HUWE1: variants seen among roughly 807,000 people sequenced by gnomAD.
The protein encoded by HUWE1 is E3 ubiquitin-protein ligase HUWE1.
HUWE1 carries 18 observed loss-of-function variants against 299.4 expected under a neutral mutation model. The observed-to-expected ratio is 0.06, with a 90% CI of 0.04 to 0.09. The LOEUF (loss-of-function observed/expected upper bound fraction) is 0.09. HUWE1 is among the 10% of genes least tolerant of loss of function. The pLI is 1.00. For synonymous variants in HUWE1, 1,317 were observed against 1,286.1 expected (o/e 1.02, Z -0.51); for missense variants, 1,832 against 3,462.3 (o/e 0.53, Z 11.82).
chrX:53,544,848 G>A, intron 71 of HUWE1, 86 bp from the exon 72 acceptor site: 1 of 940,782 alleles, frequency 1.1e-6, no homozygotes, highest in Non-Finnish European at 1.5e-6. Context: ...GTGTCAACCA[G>A]AGGGGTAAGG....
At chrX:53,558,879 G>A in intron 58 of HUWE1, 70 bp from the exon 59 acceptor site, 1 of 1,183,425 alleles carries the variant, frequency 8.5e-7, no homozygotes, top group East Asian at 3.0e-5. Context: ...GGCAGAGCTT[G>A]TAGCCACAGA....
intron 75 of HUWE1, among the ~76,000 whole-genome samples, chrX:53,539,364 G>C (rs1556916337): frequency 9.5e-6 from 1 of 104,915 alleles, no homozygotes; most frequent in Non-Finnish European, 2.0e-5. Flanking sequence ...AGAACTTGCA[G>C]GGAAATATGG....
intron 42 of HUWE1, among the ~76,000 whole-genome samples, chrX:53,581,363 C>T (rs1323459176): frequency 2.7e-5 from 3 of 112,372 alleles, no homozygotes; most frequent in Non-Finnish European, 5.6e-5. Flanking sequence ...GGTTCAAAAA[C>T]ATGTAACACT....
At chrX:53,607,477 T>C (rs1485816069) in intron 25 of HUWE1, 46 bp downstream of exon 25, 11 of 1,158,461 alleles carry the variant, frequency 9.5e-6, no homozygotes, top group Middle Eastern at 2.4e-4. Flanking sequence ...TATCGCAAAA[T>C]TGATTTCCAG....
intron 42 of HUWE1, among the ~76,000 whole-genome samples, chrX:53,583,305 TAA>T (rs1229735699): frequency 9.9e-5 from 9 of 90,958 alleles, no homozygotes; most frequent in Admixed American, 1.2e-4. Flanking sequence ...AAACCTAGAT[TAA>T]AAAAAAAAAA....
intron 60 of HUWE1, among the ~76,000 whole-genome samples, chrX:53,556,645 G>C (rs2062033470): frequency 9.0e-6 from 1 of 111,493 alleles, no homozygotes; most frequent in Admixed American, 9.5e-5. Flanking sequence ...ACATACGGCA[G>C]TCATACCACT....
chrX:53,645,756 T>G (rs1409568756), intron 6 of HUWE1, among the ~76,000 whole-genome samples: 1 of 86,766 alleles, frequency 1.2e-5, no homozygotes, highest in African/African-American at 4.6e-5. Context: ...TATATATATA[T>G]ATATATATAT....
chrX:53,552,239 G>A (rs1252888130), intron 63 of HUWE1, 72 bp downstream of exon 63: 2 of 1,133,524 alleles, frequency 1.8e-6, no homozygotes, highest in Non-Finnish European at 2.4e-6. Flanking sequence ...TTTGGCTGGT[G>A]GGCATTTCCA....
chrX:53,678,508 A>C (rs1417456736), intron 3 of HUWE1, among the ~76,000 whole-genome samples: 1 of 112,157 alleles, frequency 8.9e-6, no homozygotes, highest in African/African-American at 3.2e-5. Flanking sequence ...AAAGCAGCCT[A>C]AAAGTCCTTA....
intron 19 of HUWE1, among the ~76,000 whole-genome samples, chrX:53,621,209 G>A (rs1013976598): frequency 1.8e-5 from 2 of 110,306 alleles, no homozygotes; most frequent in South Asian, 7.8e-4. Flanking sequence ...AAAAGTCTAC[G>A]CACCACAGGC....
intron 56 of HUWE1, among the ~76,000 whole-genome samples, chrX:53,559,841 T>C (rs902457741): frequency 8.9e-6 from 1 of 112,260 alleles, no homozygotes; most frequent in Non-Finnish European, 1.9e-5. Flanking sequence ...ACAACACTTA[T>C]ATGCCTTTCT....
chrX:53,541,281 A>G (rs1323421598), intron 74 of HUWE1, among the ~76,000 whole-genome samples: 1 of 112,311 alleles, frequency 8.9e-6, no homozygotes, highest in Non-Finnish European at 1.9e-5. Context: ...TGGGGGAGCC[A>G]AGATTTAAAA....
Position 53,539,701 on chromosome X carries a change from C to G in HUWE1, c.11588G>C (p.Cys3863Ser). 3 of 1,211,594 alleles carry G rather than the reference C, an allele frequency of 2.5e-6. No individual in the cohort carries two copies. The highest frequency in any genetic ancestry group is 3.4e-6 in the Non-Finnish European group (3 of 895,314). ...LDELWDMLGECLKELEESHDQ... is the reference protein window; with the variant it reads ...LDELWDMLGESLKELEESHDQ... ...ATGGGATTCCTCTAGTTCCTTTAGA[C>G]ACTCCCCAAGCATGTCCCACAGCTC... The change falls in exon 75 of 84, where the codon TGT becomes TCT. Residue 3863 changes from cysteine to serine, a missense_variant. Around this residue, in one of 15 missense-constraint regions of HUWE1, gnomAD observed 129 missense variants for 439.4 expected, o/e 0.29. Transcript: ENST00000262854.
intron 11 of HUWE1, 106 bp downstream of exon 11, chrX:53,631,308 C>T (rs1054402440): frequency 4.4e-5 from 29 of 661,567 alleles, no homozygotes; most frequent in Non-Finnish European, 6.4e-5. Context: ...TGGTCTGACT[C>T]CAAAGCTGAC....
rs151026573 is a variant in HUWE1 at position 53,589,803 on chromosome X, C to T, written c.4205G>A (p.Arg1402Gln). The change falls in exon 36 of 84, where the codon CGG becomes CAG. Residue 1402 changes from arginine (R) to glutamine (Q), a missense_variant. Around this residue, in one of 15 missense-constraint regions of HUWE1, gnomAD observed 658 missense variants for 1,282.6 expected, o/e 0.51. Transcript: ENST00000262854. ...RAESPEEVACRKEEEERKARE... is the reference protein window; with the variant it reads ...RAESPEEVACQKEEEERKARE... ...AGCTTTCCGTTCCTCTTCCTCCTTC[C>T]GGCAAGCAACTTCCTGGAAGCAGGG... 1 of 1,207,864 alleles carries T rather than the reference C, an allele frequency of 8.3e-7. No homozygotes were observed. Among genetic ancestry groups the T allele is most frequent in the Non-Finnish European group, 1.1e-6 (1 of 893,293 alleles).
chrX:53,591,225 A>T (rs2064141179), intron 33 of HUWE1, 103 bp from the exon 34 acceptor site: 1 of 950,642 alleles, frequency 1.1e-6, no homozygotes, highest in African/African-American at 1.9e-5. Context: ...TTCTAACTTC[A>T]TCTGGGCTGA....
chrX:53,596,208 TCAA>T (rs1556984809), intron 29 of HUWE1, among the ~76,000 whole-genome samples: 1 of 111,972 alleles, frequency 8.9e-6, no homozygotes, highest in Admixed American at 9.4e-5. Flanking sequence ...TGACGCTTGA[TCAA>T]CACAGGTTTT....
intron 21 of HUWE1, 68 bp downstream of exon 21, chrX:53,616,902 T>C: frequency 2.1e-6 from 2 of 930,560 alleles, no homozygotes; most frequent in Non-Finnish European, 3.1e-6. Flanking sequence ...ATGAGAGAGA[T>C]GATCAAGGAA....
At chrX:53,652,015 G>A (rs1557040480) in intron 4 of HUWE1, among the ~76,000 whole-genome samples, 5 of 111,538 alleles carry the variant, frequency 4.5e-5, no homozygotes, top group Admixed American at 2.9e-4. Flanking sequence ...ATTTAAAAAC[G>A]GGCAAGGGTC....
Sources: allele counts gnomAD v4.1 joint callset (sites outside exome capture counted in the v4.1 genomes callset), GRCh38; gene constraint gnomAD v4.1.1; regional missense constraint gnomAD v4.1.1; transcripts MANE v1.5; gene names NCBI Gene and HGNC (gene_info 2026-07-23, HGNC 2026-07-21).